Variants in GRM7 observed in about 807,000 individuals in gnomAD.
GRM7 encodes the protein metabotropic glutamate receptor 7.
Under a neutral mutation model 84.5 loss-of-function variants are expected in GRM7, and 35 were observed. The ratio of observed to expected loss-of-function variants is 0.41; its 90% CI spans 0.32 to 0.55. The LOEUF (loss-of-function observed/expected upper bound fraction) is 0.55, where lower values mean the gene tolerates loss of function less well. Ranked by LOEUF, GRM7 falls within the 20% of genes least tolerant of loss-of-function variation. The pLI is 0.19. For synonymous variants in GRM7, 487 were observed against 455.1 expected, an observed-to-expected ratio of 1.07 and a Z score of -0.89; for missense variants, 1,003 against 1,194.6, an observed-to-expected ratio of 0.84 and a Z score of 2.36.
chr3:7,337,567 A>G (rs1415131062), intron 4 of GRM7, among the ~76,000 whole-genome samples: 3 of 152,056 alleles, frequency 2.0e-5, no homozygotes, highest in South Asian at 2.1e-4. Flanking sequence ...TCAACAGGAA[A>G]AAAATAATCC....
intron 1 of GRM7, among the ~76,000 whole-genome samples, chr3:7,069,817 T>C (rs1052079742): frequency 6.6e-6 from 1 of 152,064 alleles, no homozygotes; most frequent in Admixed American, 6.6e-5. Context: ...AAGAGCAACA[T>C]GGTATACTCT....
chr3:7,127,732 T>A (rs1363352870), intron 1 of GRM7, among the ~76,000 whole-genome samples: 1 of 152,198 alleles, frequency 6.6e-6, no homozygotes, highest in East Asian at 1.9e-4. Context: ...TACAAATGCA[T>A]TGGTTTCAAA....
chr3:7,208,176 TC>T (rs1249423486), intron 2 of GRM7, among the ~76,000 whole-genome samples: 1 of 152,208 alleles, frequency 6.6e-6, no homozygotes. Flanking sequence ...AAAGTCTCAT[TC>T]ATTTGTTCAT....
chr3:7,725,852 A>C (rs893466881), intron 9 of GRM7, among the ~76,000 whole-genome samples: 8 of 152,208 alleles, frequency 5.3e-5, no homozygotes, highest in African/African-American at 1.9e-4. Flanking sequence ...TACATAGTTT[A>C]AAAGCTAAAG....
In GRM7 at chr3:7,338,032, A is replaced by C. The variant is rs1439320450; in HGVS notation, c.1033+31380A>C. ...CCATCAAACAATGAGCAAATAAAGAAAATGTGGGATATATATAAATATATA... is the reference window on the plus strand; with the variant it reads ...CCATCAAACAATGAGCAAATAAAGACAATGTGGGATATATATAAATATATA... On this transcript the variant is annotated intron_variant, in intron 4 of 9. Coordinates refer to ENST00000357716, the MANE Select transcript of GRM7 (RefSeq NM_000844.4). Among the ~76,000 whole-genome samples, 3 of 151,908 alleles carry C rather than the reference A, an allele frequency of 2.0e-5. No homozygotes were observed. The East Asian group carries it at 5.8e-4, about 29-fold the overall frequency.
At chr3:7,455,899 T>G (rs139606670) in intron 6 of GRM7, among the ~76,000 whole-genome samples, 1 of 152,102 alleles carries the variant, frequency 6.6e-6, no homozygotes, top group Non-Finnish European at 1.5e-5. Context: ...AACAACTCAT[T>G]TAAAACGCAC....
chr3:6,894,429 T>C (rs377392860), intron 1 of GRM7, among the ~76,000 whole-genome samples: 4 of 152,226 alleles, frequency 2.6e-5, no homozygotes, highest in African/African-American at 7.2e-5. Context: ...TGATATTATA[T>C]TGTGGCAGAA....
At chr3:7,398,041 AAAAG>A (rs888217844) in intron 4 of GRM7, among the ~76,000 whole-genome samples, 2 of 152,218 alleles carry the variant, frequency 1.3e-5, no homozygotes, top group Non-Finnish European at 2.9e-5. Context: ...GTAAAAGACG[AAAAG>A]AAAGAAGATT....
intron 1 of GRM7, among the ~76,000 whole-genome samples, chr3:6,990,158 CCT>C (rs1324368671): frequency 6.6e-6 from 1 of 152,316 alleles, no homozygotes; most frequent in East Asian, 1.9e-4. Flanking sequence ...CCAATTTCCC[CCT>C]TTTATCTTGA....
intron 4 of GRM7, among the ~76,000 whole-genome samples, chr3:7,337,576 C>G (rs1489144625): frequency 6.6e-6 from 1 of 151,746 alleles, no homozygotes; most frequent in African/African-American, 2.4e-5. Context: ...AAAAAATAAT[C>G]CCATTAAAAA....
chr3:6,984,190 C>T (rs560004930), intron 1 of GRM7, among the ~76,000 whole-genome samples: 3 of 152,292 alleles, frequency 2.0e-5, no homozygotes, highest in South Asian at 2.1e-4. Flanking sequence ...ATTTGCACAT[C>T]GTCTTGGAGG....
intron 1 of GRM7, among the ~76,000 whole-genome samples, chr3:6,921,848 A>T (rs746844549): frequency 6.6e-6 from 1 of 152,164 alleles, no homozygotes; most frequent in Non-Finnish European, 1.5e-5. Flanking sequence ...ATCACAGATG[A>T]CTAGAACACA....
At chr3:7,148,341 A>C (rs150172722) in intron 2 of GRM7, among the ~76,000 whole-genome samples, 474 of 152,346 alleles carry the variant, frequency 3.1e-3, no homozygotes, top group East Asian at 0.01. Context: ...GTAAAATAGT[A>C]AGATAAAGCT....
intron 1 of GRM7, among the ~76,000 whole-genome samples, chr3:7,118,052 A>G (rs1452583910): frequency 1.3e-5 from 2 of 152,158 alleles, no homozygotes; most frequent in Non-Finnish European, 2.9e-5. Context: ...AATTTCTGTC[A>G]AAGGGAAAGA....
At chr3:7,320,180 G>A (rs2125051961) in intron 4 of GRM7, among the ~76,000 whole-genome samples, 1 of 151,984 alleles carries the variant, frequency 6.6e-6, no homozygotes, top group East Asian at 1.9e-4. Context: ...GTGTATCTAT[G>A]TGCATAGTAG....
At chr3:7,039,378 C>G (rs1030099113) in intron 1 of GRM7, among the ~76,000 whole-genome samples, 1 of 152,106 alleles carries the variant, frequency 6.6e-6, no homozygotes, top group Non-Finnish European at 1.5e-5. Flanking sequence ...TGTTTTGTGA[C>G]AGGTATCACG....
chr3:7,484,670 A>G (rs984937152), intron 7 of GRM7, among the ~76,000 whole-genome samples: 5 of 152,168 alleles, frequency 3.3e-5, no homozygotes, highest in Non-Finnish European at 4.4e-5. Flanking sequence ...AGTAAATAAA[A>G]CAGAAAATAA....
At chr3:7,143,092 A>G (rs1000667685) in intron 1 of GRM7, among the ~76,000 whole-genome samples, 7 of 152,206 alleles carry the variant, frequency 4.6e-5, no homozygotes, top group Admixed American at 2.0e-4. Flanking sequence ...AAGACTGGCA[A>G]GAGAGAAAAG....
chr3:7,487,480 G>C (rs749601984), intron 7 of GRM7, among the ~76,000 whole-genome samples: 1 of 152,130 alleles, frequency 6.6e-6, no homozygotes, highest in Non-Finnish European at 1.5e-5. Flanking sequence ...GACAGGTTTG[G>C]AATGTTCTCC....
Sources: gnomAD v4.1 joint callset for allele counts (sites outside exome capture counted in the v4.1 genomes callset) on GRCh38, gnomAD v4.1.1 for gene constraint, MANE v1.5 for transcripts, NCBI Gene and HGNC (gene_info 2026-07-23, HGNC 2026-07-21) for gene names.